CDH13: variants seen among roughly 807,000 people sequenced by gnomAD.
CDH13 encodes the protein cadherin-13.
CDH13 carries 24 observed loss-of-function variants against 63.8 expected under a neutral mutation model. That is an observed-to-expected ratio of 0.38 (90% confidence interval 0.27 to 0.53). The LOEUF is 0.53. CDH13 is among the 20% of genes least tolerant of loss of function. CDH13 has a pLI of 0.85. For missense variants in CDH13, 1,049 were observed against 903.1 expected (o/e 1.16, Z -2.07); for synonymous variants, 503 against 355.3 (o/e 1.42, Z -4.67).
intron 3 of CDH13, among the ~76,000 whole-genome samples, chr16:83,049,902 A>C (rs780956240): frequency 1.3e-5 from 2 of 152,246 alleles, no homozygotes; most frequent in Non-Finnish European, 2.9e-5. Context: ...TTTATGAGTT[A>C]CATAATTTAC....
intron 1 of CDH13, among the ~76,000 whole-genome samples, chr16:82,630,232 C>A (rs1162149604): frequency 1.3e-5 from 2 of 152,122 alleles, no homozygotes; most frequent in Admixed American, 6.5e-5. Flanking sequence ...GCCCCCTCCC[C>A]CCCTAGGGTC....
At chr16:82,966,976 C>T (rs999232388) in intron 2 of CDH13, among the ~76,000 whole-genome samples, 2 of 151,996 alleles carry the variant, frequency 1.3e-5, no homozygotes, top group Admixed American at 6.6e-5. Context: ...ATATTTTGGC[C>T]CAGGATCTAA....
intron 7 of CDH13, among the ~76,000 whole-genome samples, chr16:83,593,815 G>A (rs769590791): frequency 3.3e-5 from 5 of 152,118 alleles, no homozygotes; most frequent in South Asian, 2.1e-4. Flanking sequence ...AAGAAGCTCG[G>A]ATTGTCATAG....
chr16:83,116,249 CG>C (rs1567844639), intron 3 of CDH13, among the ~76,000 whole-genome samples: 1 of 152,088 alleles, frequency 6.6e-6, no homozygotes, highest in East Asian at 1.9e-4. Context: ...GGTTGGCTCC[CG>C]GGAAATAGAC....
At chr16:83,678,490 G>A (rs190137865) in intron 10 of CDH13, 29 bp downstream of exon 10, 75 of 1,612,576 alleles carry the variant, frequency 4.7e-5, no homozygotes, top group African/African-American at 6.7e-5. Flanking sequence ...AACCACAGAC[G>A]GGAGGTGGGC....
intron 5 of CDH13, among the ~76,000 whole-genome samples, chr16:83,326,151 T>C (rs2090355038): frequency 6.6e-6 from 1 of 152,176 alleles, no homozygotes; most frequent in Non-Finnish European, 1.5e-5. Context: ...TCTAGGTCTT[T>C]TATTCATCTT....
intron 8 of CDH13, among the ~76,000 whole-genome samples, chr16:83,615,919 C>T (rs1909242835): frequency 1.3e-5 from 2 of 152,198 alleles, no homozygotes; most frequent in South Asian, 4.1e-4. Context: ...GTGAGTTCAT[C>T]ACTTTTTTCT....
intron 4 of CDH13, among the ~76,000 whole-genome samples, chr16:83,182,502 C>T (rs189574589): frequency 9.8e-5 from 15 of 152,288 alleles, no homozygotes; most frequent in South Asian, 2.1e-4. Context: ...ATGATCTCCA[C>T]GTGAAAGGTG....
At chr16:83,556,812 G>C (rs1347982752) in intron 7 of CDH13, among the ~76,000 whole-genome samples, 1 of 152,232 alleles carries the variant, frequency 6.6e-6, no homozygotes, top group Non-Finnish European at 1.5e-5. Flanking sequence ...AAGAAGAAAT[G>C]TTCACAGTCT....
intron 2 of CDH13, among the ~76,000 whole-genome samples, chr16:82,995,540 A>G (rs1912111385): frequency 2.0e-5 from 3 of 152,194 alleles, no homozygotes; most frequent in South Asian, 2.1e-4. Flanking sequence ...CCCCAATACC[A>G]TCAAGCCACC....
chr16:83,749,265 C>T (rs181903936), intron 11 of CDH13, among the ~76,000 whole-genome samples: 7 of 152,210 alleles, frequency 4.6e-5, no homozygotes, highest in African/African-American at 9.6e-5. Flanking sequence ...TCCTGGTCCT[C>T]GTATGCCGGC....
intron 5 of CDH13, among the ~76,000 whole-genome samples, chr16:83,264,710 A>T (rs1907399910): frequency 1.3e-5 from 2 of 151,306 alleles, no homozygotes; most frequent in South Asian, 2.1e-4. Flanking sequence ...CCTAATTTCT[A>T]ATTCCTAGAG....
intron 3 of CDH13, among the ~76,000 whole-genome samples, chr16:83,089,216 A>G (rs948895158): frequency 3.9e-5 from 6 of 152,210 alleles, no homozygotes; most frequent in African/African-American, 1.4e-4. Flanking sequence ...TGAATGGCAG[A>G]ACCAAGGATG....
chr16:82,912,362 T>C (rs1444730347), intron 2 of CDH13, among the ~76,000 whole-genome samples: 1 of 152,152 alleles, frequency 6.6e-6, no homozygotes, highest in Non-Finnish European at 1.5e-5. Context: ...CCTTTATGGG[T>C]CTCCACAATA....
intron 1 of CDH13, among the ~76,000 whole-genome samples, chr16:82,676,486 CTT>C (rs11330492): frequency 0.013 from 1,212 of 96,382 alleles, 6 homozygotes; most frequent in East Asian, 0.022. Flanking sequence ...ACCATCATTT[CTT>C]TTTTTTTTTT....
intron 7 of CDH13, among the ~76,000 whole-genome samples, chr16:83,498,304 C>A (rs957192429): frequency 6.6e-6 from 1 of 152,124 alleles, no homozygotes; most frequent in African/African-American, 2.4e-5. Context: ...AATCAGAGGA[C>A]CTGGGCTCAT....
chr16:82,846,640 T>G (rs1000629026), intron 1 of CDH13, among the ~76,000 whole-genome samples: 1 of 152,252 alleles, frequency 6.6e-6, no homozygotes, highest in African/African-American at 2.4e-5. Context: ...TTTTAACTGA[T>G]TCTCAATGTA....
chr16:82,712,917 G>T (rs2032063727), intron 1 of CDH13, among the ~76,000 whole-genome samples: 1 of 152,018 alleles, frequency 6.6e-6, no homozygotes, highest in Non-Finnish European at 1.5e-5. Context: ...GTGATTACTT[G>T]TCCTATCTCC....
intron 5 of CDH13, among the ~76,000 whole-genome samples, chr16:83,295,824 T>G (rs1354795448): frequency 1.3e-5 from 2 of 152,136 alleles, no homozygotes; most frequent in Non-Finnish European, 2.9e-5. Context: ...GGGTTATATA[T>G]CCAAAGAAAA....
Sources: gnomAD v4.1 joint callset for allele counts (sites outside exome capture counted in the v4.1 genomes callset) on GRCh38, gnomAD v4.1.1 for gene constraint, MANE v1.5 for transcripts, NCBI Gene and HGNC (gene_info 2026-07-23, HGNC 2026-07-21) for gene names.